Variants in PRPF6 observed in about 807,000 individuals in gnomAD.
The protein encoded by PRPF6 is pre-mRNA-processing factor 6.
In PRPF6, 42 loss-of-function variants were observed where a neutral mutation model predicts 118.3. The observed-to-expected ratio is 0.35, with a 90% confidence interval of 0.28 to 0.46. PRPF6 has a LOEUF of 0.46. PRPF6 is among the 20% of genes least tolerant of loss of function. PRPF6 has a pLI of 1.00. For missense variants in PRPF6, 662 were observed against 1,255.7 expected (o/e 0.53, Z 7.15); for synonymous variants, 481 against 485.1 (o/e 0.99, Z 0.11).
chr20:63,981,359 A>T, intron 1 of PRPF6, 43 bp downstream of exon 1: 1 of 1,534,978 alleles, frequency 6.5e-7, no homozygotes, highest in Non-Finnish European at 8.8e-7. Context: ...ACCCGGCTAC[A>T]GGAGCGCAGT....
Position 64,024,536 on chromosome 20 carries a change from G to A in PRPF6, c.1770-19G>A, listed in dbSNP as rs747247272. On this transcript the variant is annotated intron_variant, in intron 13 of 20. Coordinates refer to ENST00000266079, the MANE Select transcript of PRPF6 (RefSeq NM_012469.4). The stretch of plus-strand genomic sequence containing the variant: ...GTTTATGGCCCTGCCTCTGGTGACC[G>A]TGGCCTCTTATCTTGCAGGGAGTCC... 7.4e-6 allele frequency: 12 copies of A among 1,612,996 alleles called. No homozygotes were observed. Among genetic ancestry groups the A allele is most frequent in the East Asian group, 6.7e-5 (3 of 44,870 alleles).
chr20:64,009,603 G>A (rs1388734191), intron 9 of PRPF6, among the ~76,000 whole-genome samples: 1 of 152,142 alleles, frequency 6.6e-6, no homozygotes, highest in Non-Finnish European at 1.5e-5. Flanking sequence ...CGCACCTGTA[G>A]TCCCAGCTAC....
Position 64,028,372 on chromosome 20 carries a change from T to A in PRPF6, c.2340-106T>A. Reference sequence around the variant, plus strand: ...GCTGTGGAGGGAATGGAGTTTTTGCTGCTGTGACTGGGTGGAGAGCCCTTT... The same window carrying A: ...GCTGTGGAGGGAATGGAGTTTTTGCAGCTGTGACTGGGTGGAGAGCCCTTT... On this transcript the variant is annotated intron_variant, in intron 17 of 20. Coordinates refer to ENST00000266079, the MANE Select transcript of PRPF6 (RefSeq NM_012469.4). This position sits in a 1 kb window ranked among gnomAD's most constrained non-coding sequence, Gnocchi z 6.5. The A allele has an allele frequency of 8.6e-7, 1 of 1,157,530 alleles. No homozygotes were observed. The highest frequency in any genetic ancestry group is 2.0e-4 in the Middle Eastern group (1 of 5,122). The allele number at this position is 1,157,530 out of a possible 1,614,324, so 71.7% of individuals were successfully genotyped here. A position where few individuals can be genotyped will look rare whatever the true frequency, so the allele number is the denominator to read the frequency against.
chr20:63,992,062 A>C (rs995656674), intron 3 of PRPF6, among the ~76,000 whole-genome samples: 1 of 152,042 alleles, frequency 6.6e-6, no homozygotes, highest in African/African-American at 2.4e-5. Context: ...GGTAACTAGG[A>C]TAGTTACTGT....
At chr20:63,985,274 GT>G (rs2059088331) in intron 3 of PRPF6, among the ~76,000 whole-genome samples, 1 of 151,412 alleles carries the variant, frequency 6.6e-6, no homozygotes, top group African/African-American at 2.4e-5. Context: ...TGGAAGGACC[GT>G]TTAAGCCCAG....
rs771579599 is a variant in PRPF6, at chr20:64,010,244, G to A, written c.1231G>A (p.Val411Ile). Reference protein sequence around the residue: ...PNSVRLWKAAVELEEPEDARI... With the variant: ...PNSVRLWKAAIELEEPEDARI... ...CTCGGTTCGCTTGTGGAAAGCAGCC[G>A]TTGAGCTGGAAGAACCTGAAGATGC... The change falls in exon 10 of 21, where the codon GTT becomes ATT. Residue 411 changes from valine (V) to isoleucine (I), a missense_variant. Coordinates refer to ENST00000266079, the MANE Select transcript of PRPF6 (RefSeq NM_012469.4). 9.9e-6 allele frequency: 16 copies of A among 1,614,056 alleles called. No homozygotes were observed. Among genetic ancestry groups the A allele is most frequent in the East Asian group, 6.7e-5 (3 of 44,898 alleles).
rs896399842 is a variant in PRPF6 at position 64,027,405 on chromosome 20, G to A, written c.2206-198G>A. Among the ~76,000 whole-genome samples the A allele has an allele frequency of 7.2e-5, 11 of 152,178 alleles. No homozygotes were observed. The highest frequency in any genetic ancestry group is 1.5e-4 in the Non-Finnish European group (10 of 68,040). On this transcript the variant is annotated intron_variant, in intron 16 of 20. Transcript: ENST00000266079. This position sits in a 1 kb window ranked among gnomAD's most constrained non-coding sequence, Gnocchi z 6.5. ...GCACACCTGCAGTAAAGGCTGGTAC[G>A]TACAGACCTGTGTGCACAGGTCCAC...
chr20:64,011,198 C>A lies in PRPF6; in HGVS notation c.1306-87C>A. 1 of 1,243,170 alleles carries A rather than the reference C, an allele frequency of 8.0e-7. No individual in the cohort carries two copies. Among genetic ancestry groups the A allele is most frequent in the Admixed American group, 1.9e-5 (1 of 53,656 alleles). The allele number at this position is 1,243,170 out of a possible 1,614,324, so 77.0% of individuals were successfully genotyped here. A position where few individuals can be genotyped will look rare whatever the true frequency, so the allele number is the denominator to read the frequency against. Reference sequence around the variant, plus strand: ...GAGAGCTAAGAAAGAACGTGGTGGCCAACGCTGGAGGGTGGGTCGCTGTCT... The same window carrying A: ...GAGAGCTAAGAAAGAACGTGGTGGCAAACGCTGGAGGGTGGGTCGCTGTCT... On this transcript the variant is annotated intron_variant, in intron 10 of 20. Transcript: ENST00000266079. The surrounding 1 kb of genome is among the most constrained non-coding windows in gnomAD (Gnocchi z 6.7).
At chr20:63,996,183 A>G (rs1450897279) in intron 6 of PRPF6, among the ~76,000 whole-genome samples, 2 of 152,012 alleles carry the variant, frequency 1.3e-5, no homozygotes, top group Non-Finnish European at 2.9e-5. Context: ...TACTAAAAAT[A>G]CAGAAATTGG....
intron 1 of PRPF6, 82 bp from the exon 2 acceptor site, chr20:63,982,965 G>A (rs1357580270): frequency 6.6e-7 from 1 of 1,510,000 alleles, no homozygotes; most frequent in African/African-American, 1.4e-5. Flanking sequence ...AAAAAGAGGT[G>A]TTAGTAAGTG....
intron 3 of PRPF6, among the ~76,000 whole-genome samples, chr20:63,992,133 G>A (rs755196808): frequency 1.2e-4 from 18 of 152,078 alleles, no homozygotes; most frequent in Non-Finnish European, 2.2e-4. Flanking sequence ...ACAAGGTCTC[G>A]CTCTGTCGCC....
intron 2 of PRPF6, 95 bp downstream of exon 2, chr20:63,983,310 A>G: frequency 6.7e-7 from 1 of 1,482,372 alleles, no homozygotes; most frequent in Non-Finnish European, 9.4e-7. Context: ...AATGGCTTGG[A>G]GTGGCTCATG....
At chr20:64,030,582 G>A (rs2059310212) in intron 19 of PRPF6, among the ~76,000 whole-genome samples, 1 of 152,178 alleles carries the variant, frequency 6.6e-6, no homozygotes, top group Non-Finnish European at 1.5e-5. Context: ...TGTCTGCCTG[G>A]TGCTACCTTG....
intron 3 of PRPF6, among the ~76,000 whole-genome samples, chr20:63,991,605 C>T (rs1403411397): frequency 2.0e-5 from 3 of 152,078 alleles, no homozygotes; most frequent in Non-Finnish European, 4.4e-5. Context: ...TCCTGGCCAA[C>T]ATGGTGAAAC....
chr20:63,994,580 G>C (rs2059133173), intron 4 of PRPF6, among the ~76,000 whole-genome samples: 1 of 152,156 alleles, frequency 6.6e-6, no homozygotes, highest in African/African-American at 2.4e-5. Context: ...AGGAGTTTGA[G>C]ACCAGCCTTG....
chr20:63,987,336 G>A (rs2122981294), intron 3 of PRPF6, among the ~76,000 whole-genome samples: 1 of 151,876 alleles, frequency 6.6e-6, no homozygotes, highest in South Asian at 2.1e-4. Flanking sequence ...GTAAAACCCT[G>A]TCTCTACTAA....
At chr20:63,998,567 C>T (rs540161489) in intron 6 of PRPF6, among the ~76,000 whole-genome samples, 30 of 150,526 alleles carry the variant, frequency 2.0e-4, no homozygotes, top group African/African-American at 3.4e-4. Flanking sequence ...CTTGGACAGA[C>T]GCGGTGGCTC....
chr20:64,025,269 G>A (rs2059283864), intron 14 of PRPF6, among the ~76,000 whole-genome samples: 1 of 152,192 alleles, frequency 6.6e-6, no homozygotes, highest in African/African-American at 2.4e-5. Flanking sequence ...CATCACTCCT[G>A]TGAGTAACTG....
At chr20:63,996,685 G>A (rs1378584319) in intron 6 of PRPF6, among the ~76,000 whole-genome samples, 1 of 152,162 alleles carries the variant, frequency 6.6e-6, no homozygotes, top group Non-Finnish European at 1.5e-5. Context: ...CTAGCACTTT[G>A]AGAGACCAAG....
Sources: allele counts gnomAD v4.1 joint callset (sites outside exome capture counted in the v4.1 genomes callset), GRCh38; gene constraint gnomAD v4.1.1; non-coding constraint Gnocchi (gnomAD v3.1); transcripts MANE v1.5; gene names NCBI Gene and HGNC (gene_info 2026-07-23, HGNC 2026-07-21).